The following DAAM1 variants were observed in gnomAD, a reference collection of about 807,000 sequenced individuals.
DAAM1 encodes the protein disheveled-associated activator of morphogenesis 1.
DAAM1 carries 52 observed loss-of-function variants against 130.0 expected under a neutral mutation model. The observed-to-expected ratio is 0.40, with a 90% CI of 0.32 to 0.50. DAAM1 has a LOEUF of 0.50. Among genes scored for constraint, DAAM1 ranks in the 20% least tolerant of loss-of-function variants. The probability of loss-of-function intolerance (pLI) is 0.61; values close to 1 mark genes in which losing one functional copy is unlikely to be tolerated. For synonymous variants in DAAM1, 452 were observed against 444.5 expected (o/e 1.02, Z -0.21); for missense variants, 1,134 against 1,303.8 (o/e 0.87, Z 2.01).
At chr14:59,230,282 C>T (rs894708964) in intron 1 of DAAM1, among the ~76,000 whole-genome samples, 4 of 149,420 alleles carry the variant, frequency 2.7e-5, no homozygotes, top group East Asian at 2.0e-4. Context: ...ACACTGCAGC[C>T]GAGGGGGGTG....
At chr14:59,352,123 G>A (rs1886314930) in intron 17 of DAAM1, among the ~76,000 whole-genome samples, 1 of 152,178 alleles carries the variant, frequency 6.6e-6, no homozygotes, top group African/African-American at 2.4e-5. Flanking sequence ...AGAGACCTAG[G>A]TTCTATTTCT....
At chr14:59,260,562 A>G (rs1425303936) in intron 1 of DAAM1, among the ~76,000 whole-genome samples, 1 of 152,200 alleles carries the variant, frequency 6.6e-6, no homozygotes, top group South Asian at 2.1e-4. Context: ...TAGTTGTACC[A>G]TAATTTATTT....
intron 3 of DAAM1, among the ~76,000 whole-genome samples, chr14:59,297,430 A>T (rs1342249015): frequency 1.3e-5 from 2 of 152,216 alleles, no homozygotes; most frequent in East Asian, 3.9e-4. Flanking sequence ...CAATGACTGT[A>T]AACAACTTAG....
intron 1 of DAAM1, among the ~76,000 whole-genome samples, chr14:59,240,473 G>C (rs1360342209): frequency 6.6e-6 from 1 of 152,010 alleles, no homozygotes; most frequent in African/African-American, 2.4e-5. Flanking sequence ...AAAGTTCATT[G>C]AATCACTCAA....
chr14:59,266,268 A>G (rs553813412), intron 2 of DAAM1: 15 of 151,622 alleles, frequency 9.9e-5, no homozygotes, highest in African/African-American at 3.6e-4. Flanking sequence ...AAAAAAGTCA[A>G]CCAAAGGACA....
At chr14:59,323,697 A>C (rs557198311) in intron 6 of DAAM1, among the ~76,000 whole-genome samples, 46 of 152,290 alleles carry the variant, frequency 3.0e-4, no homozygotes, top group African/African-American at 1.1e-3. Flanking sequence ...AAGGAGAAAA[A>C]GGGTGGCTTT....
intron 1 of DAAM1, among the ~76,000 whole-genome samples, chr14:59,256,699 C>T (rs747924077): frequency 1.3e-5 from 2 of 152,162 alleles, no homozygotes; most frequent in South Asian, 4.1e-4. Flanking sequence ...GATATGGAAA[C>T]CTAGGTCCCT....
Position 59,323,062 on chromosome 14 carries a change from G to A in DAAM1, c.611G>A (p.Ser204Asn). Residue 204 changes from serine (S) to asparagine (N), a missense_variant, in exon 6 of 25, where the codon AGT (serine) becomes AAT (asparagine). By Grantham distance (46) the Ser-to-Asn change is conservative (BLOSUM62 1). Coordinates refer to ENST00000360909, the MANE Select transcript of DAAM1 (RefSeq NM_001270520.2). ...GCTCACGTCCTGGCTCATTCTGAGA[G>A]TATTAATGTAATTGCTCAGAGTCTG... Reference protein sequence around the residue: ...GRAHVLAHSESINVIAQSLST... With the variant: ...GRAHVLAHSENINVIAQSLST... The A allele has an allele frequency of 6.2e-7, 1 of 1,614,012 alleles. No individual in the cohort carries two copies. The highest frequency in any genetic ancestry group is 8.5e-7 in the Non-Finnish European group (1 of 1,179,936).
intron 2 of DAAM1, among the ~76,000 whole-genome samples, chr14:59,280,615 T>C (rs148456991): frequency 6.7e-4 from 87 of 130,630 alleles, no homozygotes; most frequent in Middle Eastern, 5.1e-3. Flanking sequence ...ATAGAACAAA[T>C]TGAGTTCGCG....
chr14:59,260,019 G>A (rs1382857857), intron 1 of DAAM1, among the ~76,000 whole-genome samples: 3 of 152,118 alleles, frequency 2.0e-5, no homozygotes, highest in Non-Finnish European at 4.4e-5. Context: ...ACTCTAGCCT[G>A]GGCAACAGAG....
intron 1 of DAAM1, among the ~76,000 whole-genome samples, chr14:59,206,766 A>G (rs770668511): frequency 1.3e-5 from 2 of 152,268 alleles, no homozygotes; most frequent in Non-Finnish European, 2.9e-5. Flanking sequence ...AGTTTTGACA[A>G]ATCAGTTTGT....
rs780081768 is a variant in DAAM1 at position 59,363,720 on chromosome 14, A to G, written c.2764A>G (p.Ile922Val). 1.7e-5 allele frequency: 27 copies of G among 1,614,042 alleles called. No individual in the cohort carries two copies. In the Admixed American group the frequency reaches 2.7e-4, roughly 16 times the overall value. The change falls in exon 23 of 25, where the codon ATC becomes GTC. Residue 922 changes from isoleucine to valine, a missense_variant. This residue lies in a region of DAAM1 where 644 missense variants were observed against 695.9 expected (regional missense o/e 0.93). Transcript: ENST00000360909. Reference sequence around the variant, plus strand: ...GTTTGTGTCTGTTGTCAGCCAGTTCATCACAGTAGCCAGCTTCAGCTTCTC... The same window carrying G: ...GTTTGTGTCTGTTGTCAGCCAGTTCGTCACAGTAGCCAGCTTCAGCTTCTC... The part of the protein sequence containing the change: ...DKFVSVVSQF[I>V]TVASFSFSDV...
At chr14:59,316,936 T>C (rs1884816219) in intron 4 of DAAM1, among the ~76,000 whole-genome samples, 2 of 152,242 alleles carry the variant, frequency 1.3e-5, no homozygotes, top group African/African-American at 4.8e-5. Context: ...GATTAATTTG[T>C]CCTTTAGTGA....
At chr14:59,243,288 C>G (rs889173301) in intron 1 of DAAM1, among the ~76,000 whole-genome samples, 1 of 151,994 alleles carries the variant, frequency 6.6e-6, no homozygotes, top group Non-Finnish European at 1.5e-5. Context: ...TCTGTTTGGT[C>G]TCAATTTCTT....
intron 18 of DAAM1, among the ~76,000 whole-genome samples, chr14:59,352,965 C>T (rs935066502): frequency 1.3e-4 from 19 of 147,286 alleles, no homozygotes; most frequent in African/African-American, 4.1e-4. Context: ...TTCCAAGTAG[C>T]TTAGCATGGC....
At chr14:59,195,805 G>A (rs1262586657) in intron 1 of DAAM1, among the ~76,000 whole-genome samples, 1 of 152,134 alleles carries the variant, frequency 6.6e-6, no homozygotes, top group African/African-American at 2.4e-5. Context: ...ATACAAACCA[G>A]GTCAAGGGCA....
At chr14:59,263,405 C>G (rs1280487824) in intron 1 of DAAM1, 36 bp from the exon 2 acceptor site, 35 of 1,573,652 alleles carry the variant, frequency 2.2e-5, no homozygotes, top group Non-Finnish European at 2.9e-5. Context: ...TTATCTGTTC[C>G]TGTACTCTTA....
chr14:59,220,052 G>C (rs529794454), intron 1 of DAAM1, among the ~76,000 whole-genome samples: 2 of 152,102 alleles, frequency 1.3e-5, no homozygotes, highest in Admixed American at 1.3e-4. Flanking sequence ...TCCATTGCCT[G>C]TCACTGAACT....
intron 1 of DAAM1, among the ~76,000 whole-genome samples, chr14:59,201,133 C>G (rs1318897716): frequency 3.5e-5 from 5 of 142,226 alleles, no homozygotes; most frequent in Non-Finnish European, 7.5e-5. Context: ...TGCACTCCAG[C>G]CTGGGCGACA....
Sources: allele counts gnomAD v4.1 joint callset (sites outside exome capture counted in the v4.1 genomes callset), GRCh38; gene constraint gnomAD v4.1.1; regional missense constraint gnomAD v4.1.1; transcripts MANE v1.5; gene names NCBI Gene and HGNC (gene_info 2026-07-23, HGNC 2026-07-21).